The following PDE7B variants were observed in gnomAD, a reference collection of about 807,000 sequenced individuals.
PDE7B encodes the protein 3',5'-cyclic-AMP phosphodiesterase 7B.
In PDE7B, 29 loss-of-function variants were observed where a neutral mutation model predicts 56.2. The ratio of observed to expected loss-of-function variants is 0.52; its 90% confidence interval spans 0.38 to 0.70. The LOEUF (loss-of-function observed/expected upper bound fraction) is 0.70. PDE7B is among the 30% of genes least tolerant of loss of function. PDE7B has a pLI of 0.00. For synonymous variants in PDE7B, 197 were observed against 196.9 expected (o/e 1.00, Z 0.00); for missense variants, 490 against 565.0 (o/e 0.87, Z 1.35).
At chr6:135,952,553 C>G (rs1013587808) in intron 2 of PDE7B, among the ~76,000 whole-genome samples, 6 of 152,040 alleles carry the variant, frequency 3.9e-5, no homozygotes, top group African/African-American at 1.4e-4. Flanking sequence ...GTATGCAACA[C>G]CAACTCGACT....
intron 2 of PDE7B, among the ~76,000 whole-genome samples, chr6:136,030,352 A>G (rs1413604015): frequency 6.6e-6 from 1 of 152,366 alleles, no homozygotes; most frequent in East Asian, 1.9e-4. Flanking sequence ...TCATTTTCCC[A>G]TAAATACTGT....
chr6:135,903,100 C>A (rs1776034588), intron 1 of PDE7B, among the ~76,000 whole-genome samples: 1 of 152,124 alleles, frequency 6.6e-6, no homozygotes, highest in Non-Finnish European at 1.5e-5. Context: ...TTATTCTAGG[C>A]TCTGAGTAGA....
intron 12 of PDE7B, among the ~76,000 whole-genome samples, chr6:136,190,592 C>T (rs1779206875): frequency 6.6e-6 from 1 of 152,128 alleles, no homozygotes; most frequent in African/African-American, 2.4e-5. Flanking sequence ...TAAATAAGTC[C>T]AAGTTTGTGA....
Position 136,010,660 on chromosome 6 carries a change from G to T in PDE7B, c.82+63136G>T, listed in dbSNP as rs959410325. ...TTCTTTTTCTGTGAGACAGAGTCTC[G>T]CTCTGTCACCAAGGCTGGAGTGCAA... On this transcript the variant is annotated intron_variant, in intron 2 of 12. Coordinates refer to ENST00000308191, the MANE Select transcript of PDE7B (RefSeq NM_018945.4). 1.1e-4 allele frequency among the ~76,000 whole-genome samples: 17 copies of T among 151,686 alleles called. No homozygotes were observed. In the South Asian group the frequency reaches 1.3e-3, roughly 11 times the overall value.
intron 2 of PDE7B, among the ~76,000 whole-genome samples, chr6:136,092,344 C>A (rs934779467): frequency 2.0e-5 from 3 of 152,068 alleles, no homozygotes; most frequent in African/African-American, 4.8e-5. Context: ...GATATGTTTG[C>A]AAAACTCCTG....
intron 2 of PDE7B, among the ~76,000 whole-genome samples, chr6:136,080,483 T>TAACA (rs2128215030): frequency 6.6e-6 from 1 of 152,306 alleles, no homozygotes; most frequent in African/African-American, 2.4e-5. Context: ...AAAAAGAAAC[T>TAACA]AACAGCATGA....
At chr6:136,054,801 A>G (rs1776700419) in intron 2 of PDE7B, among the ~76,000 whole-genome samples, 1 of 152,164 alleles carries the variant, frequency 6.6e-6, no homozygotes, top group African/African-American at 2.4e-5. Flanking sequence ...AGGCCTCACA[A>G]TCGTGGTGGA....
At chr6:136,105,688 C>G (rs947053196) in intron 2 of PDE7B, among the ~76,000 whole-genome samples, 1 of 152,198 alleles carries the variant, frequency 6.6e-6, no homozygotes, top group Non-Finnish European at 1.5e-5. Flanking sequence ...AACTGGACTT[C>G]AGAGTGATTA....
chr6:136,033,426 G>A (rs1167405848), intron 2 of PDE7B, among the ~76,000 whole-genome samples: 1 of 152,134 alleles, frequency 6.6e-6, no homozygotes, highest in Non-Finnish European at 1.5e-5. Flanking sequence ...CTGAAAACCA[G>A]AATTAGGGCA....
Position 136,165,445 on chromosome 6 carries a change from A to T in PDE7B, c.712-8352A>T, listed in dbSNP as rs372334678. Reference sequence around the variant, plus strand: ...ATTAGCTCTTTCAGGATGACATGGGAGACAAATTAACTTTAAATCAACTTG... The same window carrying T: ...ATTAGCTCTTTCAGGATGACATGGGTGACAAATTAACTTTAAATCAACTTG... On this transcript the variant is annotated intron_variant, in intron 8 of 12. Transcript: ENST00000308191. 23 of 152,296 alleles carry T rather than the reference A, an allele frequency of 1.5e-4. No homozygotes were observed. The East Asian group carries it at 2.3e-3, about 15-fold the overall frequency. 9.4% of individuals were successfully genotyped at this position (152,296 alleles called of 1,614,324 possible).
chr6:136,172,574 T>A (rs1281889016), intron 8 of PDE7B, among the ~76,000 whole-genome samples: 3 of 152,068 alleles, frequency 2.0e-5, no homozygotes, highest in Admixed American at 2.0e-4. Context: ...TTTTCTCCCA[T>A]TTTGTAGGTT....
At chr6:136,156,859 T>C (rs1300109339) in intron 8 of PDE7B, among the ~76,000 whole-genome samples, 1 of 152,176 alleles carries the variant, frequency 6.6e-6, no homozygotes, top group Non-Finnish European at 1.5e-5. Flanking sequence ...TTTGGCTATA[T>C]ACCATCACTA....
chr6:136,191,843 G>T lies in PDE7B; in HGVS notation c.*3G>T, dbSNP rs1382464846. 4 of 1,548,452 alleles carry T rather than the reference G, an allele frequency of 2.6e-6. No homozygotes were observed. Among genetic ancestry groups the T allele is most frequent in the Admixed American group, 3.9e-5 (2 of 51,010 alleles). On this transcript the variant is annotated 3_prime_UTR_variant, in exon 13 of 13. Transcript: ENST00000308191. ...AGCAGGAAGGCGACAGCCCCTAGGG[G>T]CCGGCCCAACTTAGACGCGGCTCTC...
At chr6:135,957,777 G>A (rs1470010531) in intron 2 of PDE7B, among the ~76,000 whole-genome samples, 1 of 152,096 alleles carries the variant, frequency 6.6e-6, no homozygotes, top group Non-Finnish European at 1.5e-5. Context: ...CACCACCCAT[G>A]GTGACTCTAG....
intron 2 of PDE7B, among the ~76,000 whole-genome samples, chr6:136,061,023 T>TG (rs1776829087): frequency 6.6e-6 from 1 of 152,188 alleles, no homozygotes. Flanking sequence ...ACTGAATGCA[T>TG]GAAGGTAAAT....
At chr6:136,156,201 G>GTGTGTGTGTGTA in intron 8 of PDE7B, 1 of 326,602 alleles carries the variant, frequency 3.1e-6, no homozygotes, top group Admixed American at 4.1e-5. Flanking sequence ...GTGTGTGTGT[G>GTGTGTGTGTGTA]TTTTCAGAAA....
chr6:136,055,580 G>A (rs2128211854), intron 2 of PDE7B, among the ~76,000 whole-genome samples: 1 of 152,258 alleles, frequency 6.6e-6, no homozygotes, highest in African/African-American at 2.4e-5. Context: ...AATCCTTTTA[G>A]TATTTCCCAA....
intron 2 of PDE7B, among the ~76,000 whole-genome samples, chr6:136,056,079 G>A (rs559044111): frequency 6.6e-6 from 1 of 152,278 alleles, no homozygotes; most frequent in Admixed American, 6.5e-5. Flanking sequence ...AGAGAATGAG[G>A]GGAAACGTAG....
chr6:136,059,536 A>G (rs1187848799), intron 2 of PDE7B, among the ~76,000 whole-genome samples: 1 of 152,158 alleles, frequency 6.6e-6, no homozygotes, highest in Non-Finnish European at 1.5e-5. Flanking sequence ...CAGAGCCCGC[A>G]TTTGATTTAA....
Sources: allele counts gnomAD v4.1 joint callset (sites outside exome capture counted in the v4.1 genomes callset), GRCh38; gene constraint gnomAD v4.1.1; transcripts MANE v1.5; gene names NCBI Gene and HGNC (gene_info 2026-07-23, HGNC 2026-07-21).